COL21A1: variants seen among roughly 807,000 people sequenced by gnomAD.
COL21A1 encodes collagen type XXI alpha 1 chain, also known as collagen alpha-1(XXI) chain.
In COL21A1, 149 loss-of-function variants were observed where a neutral mutation model predicts 137.9. The observed-to-expected ratio is 1.08, with a 90% CI of 0.95 to 1.24. The LOEUF (loss-of-function observed/expected upper bound fraction) is 1.24. Ranked by LOEUF, COL21A1 falls within the 50% of genes most tolerant of loss-of-function variation. COL21A1 has a pLI of 0.00. For missense variants in COL21A1, 1,167 were observed against 1,158.4 expected (o/e 1.01, Z -0.11); for synonymous variants, 456 against 391.5 (o/e 1.16, Z -1.95).
In COL21A1 at chr6:56,180,888, G is replaced by A. The variant is rs929032396; in HGVS notation, c.89-759C>T. On this transcript the variant is annotated intron_variant, in intron 2 of 29. Transcript: ENST00000244728. The stretch of plus-strand genomic sequence containing the variant: ...TCCAAACTATTGGAATTGCCCCAAC[G>A]AACCAGTTTATCTTTTAGTCTGTGT... Among the ~76,000 whole-genome samples the A allele has an allele frequency of 3.3e-5, 5 of 152,142 alleles. No individual in the cohort carries two copies. The East Asian group carries it at 5.8e-4, about 18-fold the overall frequency.
chr6:56,227,672 C>A (rs1158483640), intron 1 of COL21A1, among the ~76,000 whole-genome samples: 1 of 152,040 alleles, frequency 6.6e-6, no homozygotes, highest in Admixed American at 6.6e-5. Flanking sequence ...CCACAATATG[C>A]ACAGTCATCT....
At chr6:56,106,371 T>C (rs899298576) in intron 16 of COL21A1, among the ~76,000 whole-genome samples, 1 of 152,182 alleles carries the variant, frequency 6.6e-6, no homozygotes, top group African/African-American at 2.4e-5. Context: ...CTTCTCTAAA[T>C]AAGATGGAGC....
intron 16 of COL21A1, among the ~76,000 whole-genome samples, chr6:56,121,745 C>T (rs9464345): frequency 0.012 from 1,884 of 151,502 alleles, 45 homozygotes; most frequent in African/African-American, 0.042. Context: ...TGGGAAGTGG[C>T]AGGGGATGTG....
intron 1 of COL21A1, among the ~76,000 whole-genome samples, chr6:56,381,787 T>C (rs558621571): frequency 3.3e-5 from 5 of 152,284 alleles, no homozygotes; most frequent in Non-Finnish European, 5.9e-5. Context: ...TTGTCCACAG[T>C]TGTATTTTAA....
chr6:56,339,899 A>G (rs920103682), intron 1 of COL21A1, among the ~76,000 whole-genome samples: 2 of 152,210 alleles, frequency 1.3e-5, no homozygotes, highest in Non-Finnish European at 2.9e-5. Context: ...ATATAAATGC[A>G]AGCAGCTAGT....
chr6:56,058,166 CCTAT>C (rs1319705577), intron 29 of COL21A1, among the ~76,000 whole-genome samples: 21 of 152,168 alleles, frequency 1.4e-4, no homozygotes, highest in Admixed American at 3.9e-4. Flanking sequence ...TTCCTTTCAG[CCTAT>C]CTTTTACCAA....
At position 56,150,630 on chromosome 6, in the gene COL21A1, T is replaced by G. The variant is rs561648154; in HGVS notation, c.1434+6257A>C. On this transcript the variant is annotated intron_variant, in intron 10 of 29. Transcript: ENST00000244728. The stretch of plus-strand genomic sequence containing the variant: ...ACCAATCCACTCTTTTGTCTATTGG[T>G]AGCAGTGAGCTATCAGTTTTTCCAA... 9.1e-4 allele frequency among the ~76,000 whole-genome samples: 139 copies of G among 152,146 alleles called. 3 individuals are homozygous for G. In the South Asian group the frequency reaches 0.028, roughly 31 times the overall value.
intron 1 of COL21A1, among the ~76,000 whole-genome samples, chr6:56,257,323 T>C (rs1763114805): frequency 6.6e-6 from 1 of 152,166 alleles, no homozygotes; most frequent in Non-Finnish European, 1.5e-5. Context: ...GAGTATAACT[T>C]AGTTTGAGCT....
chr6:56,345,188 G>C (rs182281288), intron 1 of COL21A1, among the ~76,000 whole-genome samples: 122 of 152,206 alleles, frequency 8.0e-4, no homozygotes, highest in Non-Finnish European at 1.3e-3. Context: ...AGAGCAACAC[G>C]GATTACTTCT....
chr6:56,148,821 T>C (rs893715984), intron 10 of COL21A1, among the ~76,000 whole-genome samples: 1 of 152,234 alleles, frequency 6.6e-6, no homozygotes, highest in South Asian at 2.1e-4. Flanking sequence ...GTTTGGATTA[T>C]ACCTGAAGTT....
At chr6:56,099,345 G>A (rs1235224383) in intron 17 of COL21A1, among the ~76,000 whole-genome samples, 3 of 148,228 alleles carry the variant, frequency 2.0e-5, no homozygotes, top group Non-Finnish European at 4.5e-5. Flanking sequence ...ACCATTCTCC[G>A]GCCTCAGCCC....
intron 16 of COL21A1, among the ~76,000 whole-genome samples, chr6:56,102,458 A>G (rs1275357327): frequency 6.6e-6 from 1 of 152,172 alleles, no homozygotes; most frequent in African/African-American, 2.4e-5. Context: ...GTTTCATACC[A>G]GAAAGAACAT....
At chr6:56,338,251 G>T (rs887782085) in intron 1 of COL21A1, among the ~76,000 whole-genome samples, 6 of 151,978 alleles carry the variant, frequency 3.9e-5, no homozygotes, top group Non-Finnish European at 8.8e-5. Context: ...GGCGTGAGGG[G>T]TTTTTTCTTT....
chr6:56,357,183 A>C (rs1459922884), intron 1 of COL21A1, among the ~76,000 whole-genome samples: 2 of 152,148 alleles, frequency 1.3e-5, no homozygotes, highest in Non-Finnish European at 2.9e-5. Flanking sequence ...CTATAGTTTC[A>C]CTGAATAATC....
chr6:56,351,775 G>A (rs1479121542), intron 1 of COL21A1, among the ~76,000 whole-genome samples: 2 of 152,122 alleles, frequency 1.3e-5, no homozygotes, highest in Admixed American at 6.5e-5. Flanking sequence ...CAGCCTAATG[G>A]GGCTGATTGC....
At chr6:56,242,736 A>G (rs1782408788) in intron 1 of COL21A1, among the ~76,000 whole-genome samples, 1 of 152,200 alleles carries the variant, frequency 6.6e-6, no homozygotes, top group Admixed American at 6.5e-5. Flanking sequence ...CAAAGGTGAA[A>G]AAATTATCTT....
At position 56,176,887 on chromosome 6, in the gene COL21A1, G is replaced by A. The variant is rs531832224; in HGVS notation, c.640+2691C>T. Among the ~76,000 whole-genome samples the A allele has an allele frequency of 2.2e-5, 3 of 136,838 alleles. No individual in the cohort carries two copies. The Admixed American group carries it at 2.3e-4, about 10-fold the overall frequency. 89.8% of individuals were successfully genotyped at this position (136,838 alleles called of 152,430 possible). The stretch of plus-strand genomic sequence containing the variant: ...GAAAGGGGAGGAAAGAGGAGGAAGG[G>A]GGAGGAAAGGGAGGAAAGGGGAGGA... On this transcript the variant is annotated intron_variant, in intron 3 of 29. Transcript: ENST00000244728.
At chr6:56,080,169 A>G (rs1359807573) in intron 17 of COL21A1, among the ~76,000 whole-genome samples, 1 of 151,788 alleles carries the variant, frequency 6.6e-6, no homozygotes, top group Non-Finnish European at 1.5e-5. Context: ...TTTAGTGACA[A>G]TTATTTTATA....
At chr6:56,083,436 A>C (rs1767965286) in intron 17 of COL21A1, among the ~76,000 whole-genome samples, 1 of 151,844 alleles carries the variant, frequency 6.6e-6, no homozygotes, top group African/African-American at 2.4e-5. Flanking sequence ...TCCACTTTCA[A>C]TTACTCATGA....
Sources: allele counts gnomAD v4.1 joint callset (sites outside exome capture counted in the v4.1 genomes callset), GRCh38; gene constraint gnomAD v4.1.1; transcripts MANE v1.5; gene names NCBI Gene and HGNC (gene_info 2026-07-23, HGNC 2026-07-21).